Variants in DGKG observed in about 807,000 individuals in gnomAD.
DGKG encodes diacylglycerol kinase gamma, also known as DAG kinase gamma.
In DGKG, 78 loss-of-function variants were observed where a neutral mutation model predicts 105.3. The observed-to-expected ratio is 0.74, with a 90% CI of 0.62 to 0.89. DGKG has a LOEUF of 0.89. Among genes scored for constraint, DGKG ranks in the 40% least tolerant of loss-of-function variants. The pLI is 0.00. For synonymous variants in DGKG, 346 were observed against 367.1 expected (o/e 0.94, Z 0.66); for missense variants, 958 against 1,020.1 (o/e 0.94, Z 0.83).
intron 20 of DGKG, among the ~76,000 whole-genome samples, chr3:186,235,388 C>T (rs1720368613): frequency 6.6e-6 from 1 of 152,176 alleles, no homozygotes. Flanking sequence ...CAGCAGGTCT[C>T]TTTTGAGGTG....
Position 186,241,546 on chromosome 3 carries a change from C to T in DGKG, c.1826+958G>A, listed in dbSNP as rs191434817. ...CTGGCCTGGGTGACAGAGTGAGATT[C>T]CATCTCAAAAATAAATAAATAAATA... is the stretch of plus-strand genomic sequence containing the variant. On this transcript the variant is annotated intron_variant, in intron 20 of 24. Coordinates refer to ENST00000265022, the MANE Select transcript of DGKG (RefSeq NM_001346.3). Among the ~76,000 whole-genome samples, 516 of 149,996 alleles carry T rather than the reference C, an allele frequency of 3.4e-3. 5 individuals are homozygous for T. Among genetic ancestry groups the T allele is most frequent in the African/African-American group, 0.012 (492 of 40,204 alleles).
At chr3:186,320,022 C>T (rs1201748098) in intron 2 of DGKG, among the ~76,000 whole-genome samples, 4 of 152,222 alleles carry the variant, frequency 2.6e-5, no homozygotes, top group Admixed American at 2.0e-4. Context: ...TGAGCAAATA[C>T]ATACGATATA....
intron 3 of DGKG, among the ~76,000 whole-genome samples, chr3:186,299,841 T>TCTTTTTTTC (rs1560142111): frequency 1.3e-5 from 1 of 74,614 alleles, no homozygotes; most frequent in African/African-American, 5.9e-5. Context: ...TTCTTTCTTT[T>TCTTTTTTTC]TTTTTTTTTT....
At chr3:186,351,355 G>C (rs1004720365) in intron 1 of DGKG, among the ~76,000 whole-genome samples, 2 of 151,998 alleles carry the variant, frequency 1.3e-5, no homozygotes, top group African/African-American at 4.8e-5. Context: ...CATTTTTAAG[G>C]CCTTATTTTT....
chr3:186,208,149 C>A (rs1387119954), intron 21 of DGKG, among the ~76,000 whole-genome samples: 1 of 152,094 alleles, frequency 6.6e-6, no homozygotes, highest in Non-Finnish European at 1.5e-5. Context: ...TGAAGCCATC[C>A]TCCTGCCTCA....
Position 186,200,210 on chromosome 3 carries a change from C to T in DGKG, c.1917+11585G>A, listed in dbSNP as rs909689246. Among the ~76,000 whole-genome samples, 17 of 152,236 alleles carry T rather than the reference C, an allele frequency of 1.1e-4. No individual in the cohort carries two copies. The South Asian group carries it at 2.5e-3, about 22-fold the overall frequency. On this transcript the variant is annotated intron_variant, in intron 21 of 24. Transcript: ENST00000265022. ...AGACACCATGAAGATACATCTCCAG[C>T]CCTATGAAAGGCAGCCATGTGGAGG...
intron 1 of DGKG, among the ~76,000 whole-genome samples, chr3:186,333,827 T>A (rs992297412): frequency 2.0e-5 from 3 of 152,046 alleles, no homozygotes; most frequent in African/African-American, 7.2e-5. Context: ...AATGCCTAGG[T>A]ATTGTGGTGA....
chr3:186,240,807 GAAAA>G (rs11311286), intron 20 of DGKG, among the ~76,000 whole-genome samples: 1 of 138,848 alleles, frequency 7.2e-6, no homozygotes. Flanking sequence ...GAAACTCCAT[GAAAA>G]AAAAAAAAAA....
At chr3:186,188,450 G>A in intron 21 of DGKG, 71 bp from the exon 22 acceptor site, 1 of 1,393,548 alleles carries the variant, frequency 7.2e-7, no homozygotes, top group Non-Finnish European at 9.9e-7. Context: ...CTCTGTGTGT[G>A]TGCGTGCGTG....
chr3:186,344,356 T>C (rs376262104), intron 1 of DGKG, among the ~76,000 whole-genome samples: 8 of 151,762 alleles, frequency 5.3e-5, no homozygotes, highest in Middle Eastern at 3.4e-3. Flanking sequence ...CAGTGACAGA[T>C]TGGATAAAGA....
At chr3:186,238,440 C>T (rs563561002) in intron 20 of DGKG, among the ~76,000 whole-genome samples, 1 of 152,150 alleles carries the variant, frequency 6.6e-6, no homozygotes, top group East Asian at 1.9e-4. Context: ...AATGTAACCA[C>T]CTTGTATGTT....
chr3:186,313,858 A>G (rs1724676598), intron 2 of DGKG, among the ~76,000 whole-genome samples: 2 of 152,282 alleles, frequency 1.3e-5, no homozygotes, highest in South Asian at 4.1e-4. Flanking sequence ...GATAGAAGCA[A>G]CTAGATATGA....
intron 1 of DGKG, among the ~76,000 whole-genome samples, chr3:186,343,432 A>C (rs1194307448): frequency 6.6e-6 from 1 of 152,154 alleles, no homozygotes; most frequent in Non-Finnish European, 1.5e-5. Context: ...CCAGGACCAC[A>C]GATGCGCACC....
At chr3:186,247,373 T>C (rs1720993237) in intron 19 of DGKG, among the ~76,000 whole-genome samples, 2 of 152,068 alleles carry the variant, frequency 1.3e-5, no homozygotes, top group South Asian at 2.1e-4. Flanking sequence ...TCAGAGGTCA[T>C]TGTCATCATC....
intron 17 of DGKG, among the ~76,000 whole-genome samples, chr3:186,257,574 G>A (rs1477329661): frequency 1.3e-5 from 2 of 152,026 alleles, no homozygotes; most frequent in African/African-American, 4.8e-5. Flanking sequence ...AATCTGGCCT[G>A]TCCTGCCACT....
At chr3:186,212,248 T>C (rs1719072073) in intron 20 of DGKG, among the ~76,000 whole-genome samples, 1 of 152,158 alleles carries the variant, frequency 6.6e-6, no homozygotes, top group Non-Finnish European at 1.5e-5. Flanking sequence ...CACTGTCCTT[T>C]CCATTACTCA....
intron 22 of DGKG, among the ~76,000 whole-genome samples, chr3:186,177,298 A>C (rs181643962): frequency 1.1e-4 from 17 of 152,120 alleles, no homozygotes; most frequent in African/African-American, 4.1e-4. Flanking sequence ...TTGCTTTGCT[A>C]CTTCTGGGTT....
At chr3:186,287,296 G>A (rs976743233) in intron 6 of DGKG, among the ~76,000 whole-genome samples, 1 of 152,088 alleles carries the variant, frequency 6.6e-6, no homozygotes, top group Non-Finnish European at 1.5e-5. Flanking sequence ...AAGAGTCTGC[G>A]ATTTTAGAGG....
rs34226259 is a variant in DGKG, at chr3:186,209,093, C to CTTTTTTTTTTTTTT, written c.1917+2688_1917+2701dup. 8.8e-4 allele frequency among the ~76,000 whole-genome samples: 79 copies of CTTTTTTTTTTTTTT among 89,788 alleles called. 3 individuals are homozygous for CTTTTTTTTTTTTTT. Among genetic ancestry groups the CTTTTTTTTTTTTTT allele is most frequent in the African/African-American group, 3.6e-3 (75 of 20,754 alleles). The allele number at this position is 89,788 out of a possible 152,430, so 58.9% of individuals were successfully genotyped here. ...TTTTCTCTCCCTTCAGTTTACTCTT[C>CTTTTTTTTTTTTTT]TTTTTTTTTTTTTTTTTTTTTTTAA... is the stretch of plus-strand genomic sequence containing the variant. On this transcript the variant is annotated intron_variant, in intron 21 of 24. Coordinates refer to ENST00000265022, the MANE Select transcript of DGKG (RefSeq NM_001346.3).
Sources: allele counts gnomAD v4.1 joint callset (sites outside exome capture counted in the v4.1 genomes callset), GRCh38; gene constraint gnomAD v4.1.1; transcripts MANE v1.5; gene names NCBI Gene and HGNC (gene_info 2026-07-23, HGNC 2026-07-21).